Variants in ADAMTS17 observed in about 807,000 individuals in gnomAD.
The protein encoded by ADAMTS17 is ADAM metallopeptidase with thrombospondin type 1 motif 17, also known as A disintegrin and metalloproteinase with thrombospondin motifs 17.
In ADAMTS17, 113 loss-of-function variants were observed where a neutral mutation model predicts 141.5. The observed-to-expected ratio is 0.80, with a 90% CI of 0.69 to 0.93. ADAMTS17 has a LOEUF of 0.93. Among genes scored for constraint, ADAMTS17 ranks in the 40% least tolerant of loss-of-function variants. The pLI, the probability that ADAMTS17 is intolerant of heterozygous loss-of-function variation, is 0.00. For synonymous variants in ADAMTS17, 768 were observed against 630.6 expected, an observed-to-expected ratio of 1.22 and a Z score of -3.27; for missense variants, 1,659 against 1,517.9, an observed-to-expected ratio of 1.09 and a Z score of -1.54.
chr15:100,220,036 C>T (rs953343026), intron 7 of ADAMTS17, among the ~76,000 whole-genome samples: 6 of 152,178 alleles, frequency 3.9e-5, no homozygotes, highest in Non-Finnish European at 5.9e-5. Context: ...ACATCCTAGG[C>T]TCATGTCTAT....
At chr15:100,339,237 C>A in intron 2 of ADAMTS17, 2 of 854,564 alleles carry the variant, frequency 2.3e-6, no homozygotes, top group Non-Finnish European at 2.8e-6. Flanking sequence ...CCATCTATGA[C>A]AGGGCCCAGC....
chr15:100,124,251 C>A, intron 12 of ADAMTS17, among the ~76,000 whole-genome samples: 1 of 152,178 alleles, frequency 6.6e-6, no homozygotes, highest in East Asian at 1.9e-4. Flanking sequence ...TAGGCATGAG[C>A]CACTCTGCCA....
At chr15:100,133,105 G>A (rs1203327590) in intron 11 of ADAMTS17, 109 bp downstream of exon 11, 1 of 1,074,132 alleles carries the variant, frequency 9.3e-7, no homozygotes, top group Admixed American at 2.1e-5. Context: ...CCGCCTGGGG[G>A]ATGTTTCAGG....
In ADAMTS17 at chr15:100,012,541, G is replaced by A. The variant is rs141931159; in HGVS notation, c.2592-14952C>T. Among the ~76,000 whole-genome samples, 204 of 152,226 alleles carry A rather than the reference G, an allele frequency of 1.3e-3. 1 individual carries two copies. The highest frequency in any genetic ancestry group is 2.5e-3 in the Admixed American group (38 of 15,296). ...GGTCTTAGATTTAAGTCCTTAATCC[G>A]TCTTGAGTTGATTTCTGTTATTAGG... On this transcript the variant is annotated intron_variant, in intron 18 of 21. Transcript: ENST00000268070.
chr15:100,331,016 G>C lies in ADAMTS17; in HGVS notation c.489C>G (p.Ile163Met). 1.2e-6 allele frequency: 2 copies of C among 1,614,178 alleles called. No homozygotes were observed. The highest frequency in any genetic ancestry group is 1.1e-5 in the South Asian group (1 of 91,078). The change falls in exon 3 of 22, where the codon ATC becomes ATG. Residue 163 changes from isoleucine to methionine, a missense_variant. Coordinates refer to ENST00000268070, the MANE Select transcript of ADAMTS17 (RefSeq NM_139057.4). ...LIQLGQEQVL[I>M]QPLNNSQGPF... ...GGCCCTGGGAGTTGTTGAGGGGCTGGATTAGCACCTGCTCCTGCCCAAGCT... is the reference window on the plus strand; with the variant it reads ...GGCCCTGGGAGTTGTTGAGGGGCTGCATTAGCACCTGCTCCTGCCCAAGCT...
intron 15 of ADAMTS17, among the ~76,000 whole-genome samples, chr15:100,060,331 A>G (rs912499349): frequency 1.4e-4 from 21 of 152,240 alleles, no homozygotes; most frequent in Admixed American, 1.1e-3. Context: ...AGGGCAGAAC[A>G]AAACCTTTGC....
At chr15:99,982,252 A>G (rs2060495432) in intron 20 of ADAMTS17, among the ~76,000 whole-genome samples, 1 of 152,242 alleles carries the variant, frequency 6.6e-6, no homozygotes, top group Non-Finnish European at 1.5e-5. Flanking sequence ...GAGCTCCTGC[A>G]GCCCAGCAAG....
At chr15:100,205,866 G>A (rs1175518716) in intron 7 of ADAMTS17, among the ~76,000 whole-genome samples, 1 of 152,192 alleles carries the variant, frequency 6.6e-6, no homozygotes, top group Non-Finnish European at 1.5e-5. Context: ...GGGCCTGAAG[G>A]GTGGGCGCCG....
chr15:100,206,808 T>C (rs2041587274), intron 7 of ADAMTS17, among the ~76,000 whole-genome samples: 1 of 152,172 alleles, frequency 6.6e-6, no homozygotes, highest in Admixed American at 6.5e-5. Context: ...GAGGGGCACA[T>C]TCCTGACTCA....
At chr15:100,150,272 A>T (rs2141341145) in intron 10 of ADAMTS17, among the ~76,000 whole-genome samples, 1 of 152,234 alleles carries the variant, frequency 6.6e-6, no homozygotes, top group East Asian at 1.9e-4. Flanking sequence ...TCTCATGAAA[A>T]TATGATTCTG....
rs1415032860 is a variant in ADAMTS17, at chr15:100,058,266, A to C, written c.2138-4212T>G. Among the ~76,000 whole-genome samples the C allele has an allele frequency of 1.8e-3, 11 of 5,960 alleles. 3 individuals are homozygous for C. Among genetic ancestry groups the C allele is most frequent in the African/African-American group, 9.1e-3 (9 of 994 alleles). The allele number at this position is 5,960 out of a possible 152,430, so 3.9% of individuals were successfully genotyped here. ...CTGACCCTCCTATCCCGGCTCTGAC[A>C]CCCCTATCCCGGCTCTAACCCTCCT... On this transcript the variant is annotated intron_variant, in intron 15 of 21. Coordinates refer to ENST00000268070, the MANE Select transcript of ADAMTS17 (RefSeq NM_139057.4).
intron 7 of ADAMTS17, among the ~76,000 whole-genome samples, chr15:100,216,304 C>A (rs73479359): frequency 0.035 from 5,403 of 152,316 alleles, 293 homozygotes; most frequent in African/African-American, 0.11. Context: ...GAAAGTATTT[C>A]TCAAGCCAAA....
Position 100,090,982 on chromosome 15 carries a change from T to C in ADAMTS17, c.2137+5374A>G, listed in dbSNP as rs187392230. Among the ~76,000 whole-genome samples the C allele has an allele frequency of 2.1e-3, 264 of 125,424 alleles. 3 individuals are homozygous for C. The East Asian group carries it at 0.05, about 24-fold the overall frequency. The allele number at this position is 125,424 out of a possible 152,430, so 82.3% of individuals were successfully genotyped here. ...GAGATCGTGCCACTGCATTCCAGCC[T>C]GGGAGGCAGAGTGAGACTCCGTCTC... On this transcript the variant is annotated intron_variant, in intron 15 of 21. Coordinates refer to ENST00000268070, the MANE Select transcript of ADAMTS17 (RefSeq NM_139057.4).
chr15:100,052,511 A>C (rs8025913), intron 16 of ADAMTS17, among the ~76,000 whole-genome samples: 1 of 152,130 alleles, frequency 6.6e-6, no homozygotes, highest in African/African-American at 2.4e-5. Context: ...TGGGGACTTC[A>C]CTTTAACGGG....
intron 4 of ADAMTS17, among the ~76,000 whole-genome samples, chr15:100,266,060 T>C (rs550426063): frequency 2.6e-5 from 4 of 152,320 alleles, no homozygotes; most frequent in African/African-American, 9.6e-5. Flanking sequence ...AAAATTCATG[T>C]CATTTTCCCT....
At chr15:100,049,861 G>C (rs2032005259) in intron 17 of ADAMTS17, among the ~76,000 whole-genome samples, 1 of 152,118 alleles carries the variant, frequency 6.6e-6, no homozygotes, top group African/African-American at 2.4e-5. Context: ...TGTGCCTCAG[G>C]GTGCCTCAGT....
At chr15:100,196,504 G>C (rs546278868) in intron 8 of ADAMTS17, among the ~76,000 whole-genome samples, 1 of 152,216 alleles carries the variant, frequency 6.6e-6, no homozygotes, top group Non-Finnish European at 1.5e-5. Flanking sequence ...ATTAGGTAAC[G>C]AACAGGAGAG....
At position 99,997,608 on chromosome 15, in the gene ADAMTS17, G is replaced by C. The variant is rs375519462; in HGVS notation, c.2592-19C>G. 1.4e-4 allele frequency: 222 copies of C among 1,610,654 alleles called. 1 individual carries two copies. In the African/African-American group the frequency reaches 2.8e-3, roughly 21 times the overall value. ...CACCCACCTGCCAGACGGGAGGAAA[G>C]AGAGAGAGAACGACTGGGTGAGAGG... On this transcript the variant is annotated intron_variant, in intron 18 of 21. Coordinates refer to ENST00000268070, the MANE Select transcript of ADAMTS17 (RefSeq NM_139057.4). This position sits in a 1 kb window ranked among gnomAD's most constrained non-coding sequence, Gnocchi z 4.7.
In ADAMTS17 at chr15:100,257,364, C is replaced by G. The variant is rs28371012; in HGVS notation, c.1032-3185G>C. Reference sequence around the variant, plus strand: ...GCTTCCTGCCCGACTCCACTGCGGCCTCCCCCGTCCTTCAAGGAGATCTTC... The same window carrying G: ...GCTTCCTGCCCGACTCCACTGCGGCGTCCCCCGTCCTTCAAGGAGATCTTC... On this transcript the variant is annotated intron_variant, in intron 6 of 21. Transcript: ENST00000268070. Among the ~76,000 whole-genome samples, 1,057 of 152,362 alleles carry G rather than the reference C, an allele frequency of 6.9e-3. 12 individuals are homozygous for G. The highest frequency in any genetic ancestry group is 0.02 in the Middle Eastern group (6 of 294).
Sources: allele counts gnomAD v4.1 joint callset (sites outside exome capture counted in the v4.1 genomes callset), GRCh38; gene constraint gnomAD v4.1.1; non-coding constraint Gnocchi (gnomAD v3.1); transcripts MANE v1.5; gene names NCBI Gene and HGNC (gene_info 2026-07-23, HGNC 2026-07-21).